CEP112: variants seen among roughly 807,000 people sequenced by gnomAD.
The protein encoded by CEP112 is centrosomal protein of 112 kDa.
CEP112 carries 127 observed loss-of-function variants against 153.0 expected under a neutral mutation model. That is an observed-to-expected ratio of 0.83 (90% CI 0.72 to 0.96). The LOEUF (loss-of-function observed/expected upper bound fraction) is 0.96. Ranked by LOEUF, CEP112 falls within the 40% of genes least tolerant of loss-of-function variation. The probability of loss-of-function intolerance (pLI) is 0.00; values close to 1 mark genes in which losing one functional copy is unlikely to be tolerated. For synonymous variants in CEP112, 358 were observed against 374.4 expected, an observed-to-expected ratio of 0.96 and a Z score of 0.51; for missense variants, 1,089 against 1,101.2, an observed-to-expected ratio of 0.99 and a Z score of 0.16.
At chr17:66,107,581 TAAATA>T (rs1027187168) in intron 6 of CEP112, among the ~76,000 whole-genome samples, 21 of 151,992 alleles carry the variant, frequency 1.4e-4, no homozygotes, top group African/African-American at 4.6e-4. Flanking sequence ...GAAATTAACT[TAAATA>T]AAAGAGTGAA....
At chr17:65,957,973 T>C (rs2062057484) in intron 18 of CEP112, among the ~76,000 whole-genome samples, 2 of 152,224 alleles carry the variant, frequency 1.3e-5, no homozygotes, top group Non-Finnish European at 2.9e-5. Context: ...TAATGTAATC[T>C]AGGGATACAA....
intron 6 of CEP112, among the ~76,000 whole-genome samples, chr17:66,107,076 A>G (rs2146346910): frequency 6.6e-6 from 1 of 152,288 alleles, no homozygotes; most frequent in East Asian, 1.9e-4. Context: ...CTGAAAAAGC[A>G]TTTAATAAAA....
At chr17:65,703,991 C>T (rs1360039644) in intron 23 of CEP112, among the ~76,000 whole-genome samples, 1 of 151,918 alleles carries the variant, frequency 6.6e-6, no homozygotes, top group Non-Finnish European at 1.5e-5. Flanking sequence ...TACCTCAGAA[C>T]GTGGCCTTAT....
chr17:65,836,959 C>A (rs537513122), intron 21 of CEP112, among the ~76,000 whole-genome samples: 6 of 152,322 alleles, frequency 3.9e-5, no homozygotes, highest in Admixed American at 3.3e-4. Context: ...CGCGCCGCCA[C>A]GCCTGACTGG....
At chr17:65,691,216 C>T (rs2048092095) in intron 23 of CEP112, among the ~76,000 whole-genome samples, 2 of 152,100 alleles carry the variant, frequency 1.3e-5, no homozygotes, top group African/African-American at 4.8e-5. Context: ...TTTGAAATGC[C>T]TATTACACAT....
intron 6 of CEP112, among the ~76,000 whole-genome samples, chr17:66,123,419 G>A (rs1383165924): frequency 1.3e-5 from 2 of 152,224 alleles, no homozygotes; most frequent in Admixed American, 6.5e-5. Context: ...TTTCTGTGAA[G>A]CTGAGCTGGA....
intron 8 of CEP112, among the ~76,000 whole-genome samples, chr17:66,071,987 T>C (rs965850872): frequency 6.6e-6 from 1 of 152,188 alleles, no homozygotes; most frequent in Non-Finnish European, 1.5e-5. Flanking sequence ...CTTCTGGTTA[T>C]AACTTTTTGC....
intron 21 of CEP112, among the ~76,000 whole-genome samples, chr17:65,809,716 A>G (rs2055832156): frequency 6.6e-6 from 1 of 152,238 alleles, no homozygotes; most frequent in Admixed American, 6.5e-5. Context: ...GAAGGTGTTT[A>G]GGAAAAGGTT....
chr17:66,029,243 T>C lies in CEP112; in HGVS notation c.1383A>G (p.Thr461=). The C allele has an allele frequency of 6.2e-7, 1 of 1,609,924 alleles. No individual in the cohort carries two copies. The highest frequency in any genetic ancestry group is 8.5e-7 in the Non-Finnish European group (1 of 1,178,014). Residue 461 remains threonine (T), a synonymous_variant, in exon 14 of 27, where the codon ACA becomes ACG. Transcript: ENST00000535342. ...CAAGATGGTCCTTCTCTTTATGCAG[T>C]GTGTTACGCCTAAAAACAAGAGAAT... is the stretch of plus-strand genomic sequence containing the variant. ...ELQEVKARRN[T]LHKEKDHLVN...
chr17:65,977,233 G>A (rs180849811), intron 17 of CEP112, among the ~76,000 whole-genome samples: 79 of 152,196 alleles, frequency 5.2e-4, no homozygotes, highest in African/African-American at 1.8e-3. Context: ...CTTTCCTCTT[G>A]GCATCAACAC....
intron 12 of CEP112, among the ~76,000 whole-genome samples, chr17:66,033,719 C>T (rs1360383591): frequency 6.6e-6 from 1 of 152,184 alleles, no homozygotes; most frequent in African/African-American, 2.4e-5. Flanking sequence ...TTTCTGTGGC[C>T]TCTTACCCTT....
At chr17:66,125,029 T>A (rs1455002126) in intron 6 of CEP112, among the ~76,000 whole-genome samples, 1 of 152,192 alleles carries the variant, frequency 6.6e-6, no homozygotes, top group Non-Finnish European at 1.5e-5. Flanking sequence ...TTTGTTTGTT[T>A]TTTATGAATA....
rs998819489 is a variant in CEP112 at position 65,959,917 on chromosome 17, G to A, written c.1872+1546C>T. Reference sequence around the variant, plus strand: ...AAGAGCAGCGTATCAGGCTGAGTGGGTGGAATGAGCCCAGTGGGCCTTAGC... The same window carrying A: ...AAGAGCAGCGTATCAGGCTGAGTGGATGGAATGAGCCCAGTGGGCCTTAGC... On this transcript the variant is annotated intron_variant, in intron 18 of 26. Coordinates refer to ENST00000535342, the MANE Select transcript of CEP112 (RefSeq NM_001199165.4). Among the ~76,000 whole-genome samples, 10 of 152,298 alleles carry A rather than the reference G, an allele frequency of 6.6e-5. No individual in the cohort carries two copies. In the South Asian group the frequency reaches 1.2e-3, roughly 19 times the overall value.
At chr17:65,960,792 G>C (rs2062170887) in intron 18 of CEP112, among the ~76,000 whole-genome samples, 1 of 152,196 alleles carries the variant, frequency 6.6e-6, no homozygotes, top group Non-Finnish European at 1.5e-5. Flanking sequence ...CATGGATACA[G>C]AGGGCTGACT....
intron 21 of CEP112, among the ~76,000 whole-genome samples, chr17:65,782,118 C>T (rs2054029808): frequency 6.6e-6 from 1 of 151,962 alleles, no homozygotes; most frequent in Non-Finnish European, 1.5e-5. Context: ...TGACAAAGGT[C>T]CATCCAGAAT....
chr17:65,960,139 A>G (rs2062146727), intron 18 of CEP112, among the ~76,000 whole-genome samples: 1 of 152,198 alleles, frequency 6.6e-6, no homozygotes, highest in Non-Finnish European at 1.5e-5. Context: ...GTGAGTATTG[A>G]AACATTCTTT....
chr17:65,695,685 A>C (rs1201209811), intron 23 of CEP112, among the ~76,000 whole-genome samples: 2 of 152,178 alleles, frequency 1.3e-5, no homozygotes, highest in African/African-American at 4.8e-5. Context: ...TGATAAAAAC[A>C]ATTTTTTAAA....
In CEP112 at chr17:66,029,107, T is replaced by C. The variant is rs1228949990; in HGVS notation, c.1503+16A>G. 6 of 1,571,756 alleles carry C rather than the reference T, an allele frequency of 3.8e-6. No individual in the cohort carries two copies. The highest frequency in any genetic ancestry group is 4.4e-6 in the Non-Finnish European group (5 of 1,148,470). On this transcript the variant is annotated intron_variant, in intron 14 of 26. Transcript: ENST00000535342. ...ATAAATACTTCATGTGGATTATCTATTAACATAAATAATACCTTAGAAGCT... is the reference window on the plus strand; with the variant it reads ...ATAAATACTTCATGTGGATTATCTACTAACATAAATAATACCTTAGAAGCT...
intron 23 of CEP112, among the ~76,000 whole-genome samples, chr17:65,714,680 C>G (rs1273230063): frequency 6.6e-6 from 1 of 152,120 alleles, no homozygotes; most frequent in Non-Finnish European, 1.5e-5. Context: ...CAACTACTCA[C>G]AACAGTATTG....
Sources: gnomAD v4.1 joint callset for allele counts (sites outside exome capture counted in the v4.1 genomes callset) on GRCh38, gnomAD v4.1.1 for gene constraint, MANE v1.5 for transcripts, NCBI Gene and HGNC (gene_info 2026-07-23, HGNC 2026-07-21) for gene names.